Variants in RALGAPA1 observed in about 807,000 individuals in gnomAD.
RALGAPA1 encodes Ral GTPase activating protein catalytic subunit alpha 1.
A neutral mutation model predicts 269.6 loss-of-function variants in RALGAPA1; 52 were observed. The ratio of observed to expected loss-of-function variants is 0.19; its 90% CI spans 0.15 to 0.24. RALGAPA1 has a LOEUF of 0.24. Ranked by LOEUF, RALGAPA1 falls within the 10% of genes least tolerant of loss-of-function variation. The probability of loss-of-function intolerance (pLI) is 1.00; values close to 1 mark genes in which losing one functional copy is unlikely to be tolerated. For missense variants in RALGAPA1, 1,917 were observed against 3,013.9 expected (o/e 0.64, Z 8.52); for synonymous variants, 817 against 1,008.3 (o/e 0.81, Z 3.60).
At chr14:35,777,085 G>A (rs2075095451) in intron 1 of RALGAPA1, among the ~76,000 whole-genome samples, 1 of 152,100 alleles carries the variant, frequency 6.6e-6, no homozygotes, top group African/African-American at 2.4e-5. Context: ...CTACATATGT[G>A]ATTTTAAATT....
At chr14:35,708,643 G>T (rs533742452) in intron 16 of RALGAPA1, among the ~76,000 whole-genome samples, 19 of 152,290 alleles carry the variant, frequency 1.2e-4, no homozygotes, top group African/African-American at 4.6e-4. Flanking sequence ...CTCACATACT[G>T]TTGGTAAGAA....
At chr14:35,636,263 T>C (rs1749079113) in intron 31 of RALGAPA1, among the ~76,000 whole-genome samples, 1 of 152,178 alleles carries the variant, frequency 6.6e-6, no homozygotes, top group Admixed American at 6.5e-5. Flanking sequence ...TTATACAAAA[T>C]GTAGAATACA....
intron 36 of RALGAPA1, among the ~76,000 whole-genome samples, chr14:35,603,037 C>T (rs1030243809): frequency 1.4e-4 from 22 of 152,100 alleles, no homozygotes; most frequent in Admixed American, 3.3e-4. Flanking sequence ...TTGTCAAAAA[C>T]GGCTGACCAC....
intron 27 of RALGAPA1, among the ~76,000 whole-genome samples, chr14:35,659,434 A>T (rs2063399483): frequency 6.6e-6 from 1 of 152,138 alleles, no homozygotes; most frequent in African/African-American, 2.4e-5. Context: ...AAGGCAGGTA[A>T]TTAAAGTAGA....
Position 35,595,549 on chromosome 14 carries a change from C to G in RALGAPA1, c.7209+85G>C. 3.3e-6 allele frequency: 4 copies of G among 1,215,598 alleles called. No individual in the cohort carries two copies. The South Asian group carries it at 3.7e-5, about 11-fold the overall frequency. The allele number at this position is 1,215,598 out of a possible 1,614,324, so 75.3% of individuals were successfully genotyped here. ...ACTACAACCAGAAACAGTGCTTGAT[C>G]AATTCGATTTCTTACTTACGTATTT... On this transcript the variant is annotated intron_variant, in intron 37 of 41. Coordinates refer to ENST00000680220, the MANE Select transcript of RALGAPA1 (RefSeq NM_001346249.2).
chr14:35,542,207 T>A, intron 41 of RALGAPA1: 1 of 326,760 alleles, frequency 3.1e-6, no homozygotes, highest in Non-Finnish European at 5.9e-6. Context: ...ACATTAAGTT[T>A]AAATTTATTG....
chr14:35,613,924 T>A (rs2060101617), intron 35 of RALGAPA1, among the ~76,000 whole-genome samples: 1 of 152,204 alleles, frequency 6.6e-6, no homozygotes, highest in South Asian at 2.1e-4. Context: ...AAAATACTCA[T>A]GATAAGTCAT....
chr14:35,737,666 G>A (rs1407319912), intron 12 of RALGAPA1, among the ~76,000 whole-genome samples: 1 of 143,164 alleles, frequency 7.0e-6, no homozygotes, highest in Non-Finnish European at 1.5e-5. Flanking sequence ...GGCTGAGGCA[G>A]GAGAATCATT....
At position 35,654,463 on chromosome 14, in the gene RALGAPA1, T is replaced by C. The variant is rs74041565; in HGVS notation, c.5511A>G (p.Thr1837=). 3.7e-4 allele frequency: 588 copies of C among 1,598,222 alleles called. 4 individuals carry two copies. In the African/African-American group the frequency reaches 7.2e-3, roughly 20 times the overall value. The change falls in exon 30 of 42, where the codon ACA becomes ACG. Residue 1837 remains threonine, a synonymous_variant. Transcript: ENST00000680220. The stretch of plus-strand genomic sequence containing the variant: ...GCATGTTACAAGCTACGTGGGCTAC[T>C]GTTTTATTAGTAAACTGCAATAATA... ...ICVSLKFTNK[T]VAHVACNMLH... is the part of the protein sequence containing the mutation.
chr14:35,609,093 G>T (rs1319002815), intron 35 of RALGAPA1, among the ~76,000 whole-genome samples: 4 of 152,068 alleles, frequency 2.6e-5, no homozygotes, highest in African/African-American at 7.2e-5. Flanking sequence ...AGGCGTCGGT[G>T]GGGGGTGCCT....
At chr14:35,642,516 A>G (rs2062096760) in intron 31 of RALGAPA1, among the ~76,000 whole-genome samples, 1 of 152,188 alleles carries the variant, frequency 6.6e-6, no homozygotes, top group South Asian at 2.1e-4. Flanking sequence ...ACAAGTTCAT[A>G]TGAACACATA....
At position 35,724,787 on chromosome 14, in the gene RALGAPA1, T is replaced by C. The variant is rs1367996870; in HGVS notation, c.1866+237A>G. 2.0e-5 allele frequency among the ~76,000 whole-genome samples: 3 copies of C among 152,186 alleles called. No homozygotes were observed. In the East Asian group the frequency reaches 5.8e-4, roughly 29 times the overall value. ...AGCCTGTTTGTTCACAGACCTGATA[T>C]TACCTCCACTCTTATACTAGGTTTT... On this transcript the variant is annotated intron_variant, in intron 14 of 41. Coordinates refer to ENST00000680220, the MANE Select transcript of RALGAPA1 (RefSeq NM_001346249.2).
chr14:35,635,621 A>T (rs771341613), intron 31 of RALGAPA1, 23 bp from the exon 32 acceptor site: 1 of 1,512,582 alleles, frequency 6.6e-7, no homozygotes, highest in Non-Finnish European at 8.8e-7. Flanking sequence ...TAGAATCATT[A>T]TAATTGTACA....
rs142125541 is a variant in RALGAPA1 at position 35,632,568 on chromosome 14, T to C, written c.5995+2006A>G. ...AAATATTAGCTTTGCATAATAAGTA[T>C]AGGTGAAACTATAATTAGGACAGAA... On this transcript the variant is annotated intron_variant, in intron 33 of 41. Transcript: ENST00000680220. Among the ~76,000 whole-genome samples, 933 of 152,314 alleles carry C rather than the reference T, an allele frequency of 6.1e-3. 5 individuals carry two copies. Among genetic ancestry groups the C allele is most frequent in the South Asian group, 0.012 (60 of 4,830 alleles).
intron 39 of RALGAPA1, among the ~76,000 whole-genome samples, chr14:35,566,185 C>A (rs2056685075): frequency 6.6e-6 from 1 of 151,964 alleles, no homozygotes; most frequent in South Asian, 2.1e-4. Flanking sequence ...AAATGCTTTT[C>A]CAGTACAAGT....
intron 1 of RALGAPA1, among the ~76,000 whole-genome samples, chr14:35,797,123 G>T (rs1160140732): frequency 6.6e-6 from 1 of 152,034 alleles, no homozygotes; most frequent in Non-Finnish European, 1.5e-5. Context: ...GGGAGGCCGA[G>T]GCAGGCAGAT....
intron 1 of RALGAPA1, 133 bp from the exon 2 acceptor site, chr14:35,775,878 T>C (rs956113936): frequency 2.2e-5 from 20 of 919,846 alleles, no homozygotes; most frequent in Admixed American, 1.3e-4. Flanking sequence ...ATTTACAATA[T>C]ATATTTCTAT....
At chr14:35,674,403 T>C (rs943580646) in intron 23 of RALGAPA1, 113 bp downstream of exon 23, 2 of 1,241,172 alleles carry the variant, frequency 1.6e-6, no homozygotes, top group South Asian at 1.6e-5. Flanking sequence ...GACTTTGCCA[T>C]GCAGGGTACC....
At chr14:35,764,757 C>T (rs2074008432) in intron 4 of RALGAPA1, among the ~76,000 whole-genome samples, 2 of 151,804 alleles carry the variant, frequency 1.3e-5, no homozygotes, top group Non-Finnish European at 2.9e-5. Flanking sequence ...GTTGCCCAGG[C>T]TGGTCTCAAA....
Sources: gnomAD v4.1 joint callset for allele counts (sites outside exome capture counted in the v4.1 genomes callset) on GRCh38, gnomAD v4.1.1 for gene constraint, MANE v1.5 for transcripts, NCBI Gene and HGNC (gene_info 2026-07-23, HGNC 2026-07-21) for gene names.